Variants in DNAH2 observed in about 807,000 individuals in gnomAD.
DNAH2 encodes the protein dynein axonemal heavy chain 2.
In DNAH2, 323 loss-of-function variants were observed where a neutral mutation model predicts 523.5. The observed-to-expected ratio is 0.62, with a 90% CI of 0.56 to 0.68. The LOEUF is 0.68. Among genes scored for constraint, DNAH2 ranks in the 30% least tolerant of loss-of-function variants. The pLI, the probability that DNAH2 is intolerant of heterozygous loss-of-function variation, is 0.00. For missense variants in DNAH2, 4,907 were observed against 5,701.5 expected (o/e 0.86, Z 4.49); for synonymous variants, 2,093 against 2,177.4 (o/e 0.96, Z 1.08).
rs1597584081 is a variant in DNAH2 at position 7,765,327 on chromosome 17, T to C, written c.3337-64T>C. On this transcript the variant is annotated intron_variant, in intron 20 of 85. Coordinates refer to ENST00000572933, the MANE Select transcript of DNAH2 (RefSeq NM_020877.5). Reference sequence around the variant, plus strand: ...AGGGCAGACCTCCTGCTCCTGGTCATCCTCCACGCATGAGAGGGCAGACCT... The same window carrying C: ...AGGGCAGACCTCCTGCTCCTGGTCACCCTCCACGCATGAGAGGGCAGACCT... The C allele has an allele frequency of 2.8e-6, 4 of 1,426,150 alleles. No homozygotes were observed. The East Asian group carries it at 9.3e-5, about 33-fold the overall frequency. The allele number at this position is 1,426,150 out of a possible 1,614,324, so 88.3% of individuals were successfully genotyped here.
chr17:7,758,813 T>TGG, intron 14 of DNAH2, 72 bp from the exon 15 acceptor site: 1 of 1,590,006 alleles, frequency 6.3e-7, no homozygotes, highest in South Asian at 1.1e-5. Flanking sequence ...GGAGAACAAG[T>TGG]GGGAGGGTAG....
At chr17:7,824,500 G>A (rs1209562751) in intron 76 of DNAH2, 37 bp from the exon 77 acceptor site, 2 of 1,491,098 alleles carry the variant, frequency 1.3e-6, no homozygotes, top group South Asian at 1.4e-5. Context: ...GCAGGGCTTA[G>A]GAAATGATTC....
In DNAH2 at chr17:7,787,021, G is replaced by A. The variant is rs748103624; in HGVS notation, c.6591G>A (p.Ala2197=). The A allele has an allele frequency of 1.9e-6, 3 of 1,614,096 alleles. No individual in the cohort carries two copies. The highest frequency in any genetic ancestry group is 1.1e-5 in the South Asian group (1 of 91,082). ...VLTLINGERI[A]MPEQVSLLFE... ...CCCTCATCAACGGCGAGCGCATCGCGATGCCCGAGCAGGTCAGGGACGCGG... is the reference window on the plus strand; with the variant it reads ...CCCTCATCAACGGCGAGCGCATCGCAATGCCCGAGCAGGTCAGGGACGCGG... The change falls in exon 42 of 86, where the codon GCG becomes GCA. Residue 2197 remains alanine (A), a synonymous_variant. Coordinates refer to ENST00000572933, the MANE Select transcript of DNAH2 (RefSeq NM_020877.5).
At chr17:7,733,814 T>C (rs2075063058) in intron 5 of DNAH2, among the ~76,000 whole-genome samples, 1 of 152,086 alleles carries the variant, frequency 6.6e-6, no homozygotes, top group African/African-American at 2.4e-5. Flanking sequence ...TTTTCTGTTG[T>C]GGAACTTGTT....
chr17:7,731,781 C>T (rs2074995823), intron 4 of DNAH2, among the ~76,000 whole-genome samples: 1 of 152,102 alleles, frequency 6.6e-6, no homozygotes, highest in African/African-American at 2.4e-5. Flanking sequence ...ATAATCCTAG[C>T]ACTTTGGGAG....
At chr17:7,741,232 CTCTCTCTTTCTT>C (rs1161139999) in intron 11 of DNAH2, among the ~76,000 whole-genome samples, 186 of 119,406 alleles carry the variant, frequency 1.6e-3, no homozygotes, top group South Asian at 4.4e-3. Flanking sequence ...TTTTTTTTCT[CTCTCTCTTTCTT>C]TCTTTCTTTC....
chr17:7,775,972 C>A, intron 30 of DNAH2, 52 bp from the exon 31 acceptor site: 1 of 1,604,712 alleles, frequency 6.2e-7, no homozygotes. Flanking sequence ...TGTGGAGGAC[C>A]TTGGCCGTGC....
chr17:7,760,914 T>C lies in DNAH2; in HGVS notation c.2960T>C (p.Phe987Ser). 6.2e-7 allele frequency: 1 copy of C among 1,614,102 alleles called. No homozygotes were observed. The highest frequency in any genetic ancestry group is 1.7e-5 in the Admixed American group (1 of 60,006). Residue 987 changes from phenylalanine (F) to serine (S), a missense_variant, in exon 18 of 86, where the codon TTT (phenylalanine) becomes TCT (serine). By Grantham distance (155) the Phe-to-Ser change is radical (BLOSUM62 -2). This residue lies in a region of DNAH2 where 2,806 missense variants were observed against 3,190.8 expected (regional missense o/e 0.88). Transcript: ENST00000572933. The surrounding 1 kb of genome is among the most constrained non-coding windows in gnomAD (Gnocchi z 4.0). The stretch of plus-strand genomic sequence containing the variant: ...CGCCTCAACCCTCCTGTCTCTTCTT[T>C]TGTTGCCGACATTGCCCGGTGAGTG... ...YQRLNPPVSS[F>S]VADIARYTEV...
intron 13 of DNAH2, 31 bp from the exon 14 acceptor site, chr17:7,758,464 C>T: frequency 6.2e-7 from 1 of 1,602,292 alleles, no homozygotes; most frequent in South Asian, 1.1e-5. Flanking sequence ...GGGCTTGTCC[C>T]CTCTGGATAC....
intron 35 of DNAH2, among the ~76,000 whole-genome samples, chr17:7,778,837 G>A (rs983493664): frequency 6.6e-6 from 1 of 152,306 alleles, no homozygotes; most frequent in Admixed American, 6.5e-5. Flanking sequence ...CCAAAGTGCT[G>A]GGATTACAGG....
At chr17:7,783,061 A>G (rs1341018354) in intron 39 of DNAH2, among the ~76,000 whole-genome samples, 3 of 151,928 alleles carry the variant, frequency 2.0e-5, no homozygotes, top group Non-Finnish European at 4.4e-5. Context: ...CTTCAGGAGG[A>G]CTGTTTTTTT....
Position 7,743,013 on chromosome 17 carries a change from A to C in DNAH2, c.1775A>C (p.Asp592Ala). ...HTYQQMVQAI[D>A]ELVRKTFQEW... ...TATCAGCAGATGGTCCAGGCCATTG[A>C]TGAGCTGGTTCGAAAAACCTTCCAA... The change falls in exon 12 of 86, where the codon GAT (aspartate) becomes GCT (alanine). Residue 592 changes from aspartate to alanine, a missense_variant. Asp to Ala is a moderately radical substitution (Grantham distance 126, BLOSUM62 -2). Around this residue, in one of 3 missense-constraint regions of DNAH2, gnomAD observed 2,806 missense variants for 3,190.8 expected, o/e 0.88. Transcript: ENST00000572933. 1 of 1,523,198 alleles carries C rather than the reference A, an allele frequency of 6.6e-7. No homozygotes were observed. Among genetic ancestry groups the C allele is most frequent in the Non-Finnish European group, 8.8e-7 (1 of 1,139,440 alleles). 94.4% of individuals were successfully genotyped at this position (1,523,198 alleles called of 1,614,324 possible).
At position 7,816,747 on chromosome 17, in the gene DNAH2, T is replaced by C. The variant is rs1023869061; in HGVS notation, c.9894+12T>C. 1 of 1,612,166 alleles carries C rather than the reference T, an allele frequency of 6.2e-7. No individual in the cohort carries two copies. The highest frequency in any genetic ancestry group is 1.3e-5 in the African/African-American group (1 of 74,980). On this transcript the variant is annotated intron_variant, in intron 64 of 85. Transcript: ENST00000572933. ...AGGAGACAGTCCAGGTGAGATCAGC[T>C]GTACTACCTGGTGTCCTTTCACTCT...
At chr17:7,797,968 A>G (rs1412311458) in intron 53 of DNAH2, 139 bp downstream of exon 53, 5 of 1,396,032 alleles carry the variant, frequency 3.6e-6, no homozygotes, top group Non-Finnish European at 3.9e-6. Context: ...GCCCTGTGGC[A>G]GTGTGTGTTT....
chr17:7,820,002 T>A (rs1338927727), intron 72 of DNAH2, among the ~76,000 whole-genome samples: 2 of 152,040 alleles, frequency 1.3e-5, no homozygotes, highest in Non-Finnish European at 2.9e-5. Context: ...ACAGAAAGGG[T>A]CTCCCTATGT....
rs543172082 is a variant in DNAH2 at position 7,723,500 on chromosome 17, G to C, written c.167-128G>C. 263 of 714,222 alleles carry C rather than the reference G, an allele frequency of 3.7e-4. 2 individuals carry two copies. In the Middle Eastern group the frequency reaches 5.4e-3, roughly 15 times the overall value. The allele number at this position is 714,222 out of a possible 1,614,324, so 44.2% of individuals were successfully genotyped here. A position where few individuals can be genotyped will look rare whatever the true frequency, so the allele number is the denominator to read the frequency against. Reference sequence around the variant, plus strand: ...TTGGCCAGGCTGGTCTCAAACTCCTGACCTCAGGTGATCCTCCCGCCTAGT... The same window carrying C: ...TTGGCCAGGCTGGTCTCAAACTCCTCACCTCAGGTGATCCTCCCGCCTAGT... On this transcript the variant is annotated intron_variant, in intron 2 of 85. Transcript: ENST00000572933.
Position 7,770,309 on chromosome 17 carries a change from C to T in DNAH2, c.3999C>T (p.Ser1333=), listed in dbSNP as rs2076279779. The part of the protein sequence containing the change: ...IQREFDQESE[S]FTLEQIVELG... ...GGGAGTTTGATCAGGAATCTGAAAG[C>T]TTCACCTTGGAGCAGATTGTGGAGC... The change falls in exon 25 of 86, where the codon AGC becomes AGT. Residue 1333 remains serine (S), a synonymous_variant. Transcript: ENST00000572933. 6.2e-7 allele frequency: 1 copy of T among 1,613,898 alleles called. No individual in the cohort carries two copies. Among genetic ancestry groups the T allele is most frequent in the Non-Finnish European group, 8.5e-7 (1 of 1,179,920 alleles).
intron 23 of DNAH2, 37 bp downstream of exon 23, chr17:7,768,098 G>A: frequency 6.2e-7 from 1 of 1,614,148 alleles, no homozygotes; most frequent in South Asian, 1.1e-5. Flanking sequence ...AGAGAAGCTG[G>A]TGGAGGATCT....
chr17:7,744,158 G>T (rs1012229903), intron 12 of DNAH2, among the ~76,000 whole-genome samples: 1 of 152,120 alleles, frequency 6.6e-6, no homozygotes, highest in Non-Finnish European at 1.5e-5. Context: ...GCTGGGCATT[G>T]TGGCAGGTGC....
Sources: allele counts gnomAD v4.1 joint callset (sites outside exome capture counted in the v4.1 genomes callset), GRCh38; gene constraint gnomAD v4.1.1; regional missense constraint gnomAD v4.1.1; non-coding constraint Gnocchi (gnomAD v3.1); transcripts MANE v1.5; gene names NCBI Gene and HGNC (gene_info 2026-07-23, HGNC 2026-07-21).